CDH11: variants seen among roughly 807,000 people sequenced by gnomAD.
The protein encoded by CDH11 is cadherin 11.
A neutral mutation model predicts 67.8 loss-of-function variants in CDH11; 11 were observed. The observed-to-expected ratio is 0.16, with a 90% CI of 0.10 to 0.27. The LOEUF (loss-of-function observed/expected upper bound fraction) is 0.27, where lower values mean the gene tolerates loss of function less well. Among genes scored for constraint, CDH11 ranks in the 10% least tolerant of loss-of-function variants. The pLI, the probability that CDH11 is intolerant of heterozygous loss-of-function variation, is 1.00. For missense variants in CDH11, 847 were observed against 1,031.2 expected, an observed-to-expected ratio of 0.82 and a Z score of 2.45; for synonymous variants, 419 against 400.0, an observed-to-expected ratio of 1.05 and a Z score of -0.57.
chr16:65,012,895 AC>A (rs1194390751), intron 2 of CDH11, among the ~76,000 whole-genome samples: 1 of 152,222 alleles, frequency 6.6e-6, no homozygotes, highest in African/African-American at 2.4e-5. Context: ...TTCTAAGAAG[AC>A]TGAGACAAGA....
intron 2 of CDH11, among the ~76,000 whole-genome samples, chr16:65,006,254 T>C (rs191297339): frequency 6.6e-6 from 1 of 152,268 alleles, no homozygotes; most frequent in Non-Finnish European, 1.5e-5. Context: ...GATACATTGA[T>C]ATTGAGGATA....
rs2071176809 is a variant in CDH11, at chr16:64,945,315, A to G, written c.*2288T>C. 2.3e-5 allele frequency: 15 copies of G among 641,914 alleles called. No homozygotes were observed. The highest frequency in any genetic ancestry group is 7.4e-5 in the East Asian group (1 of 13,430). 39.8% of individuals were successfully genotyped at this position (641,914 alleles called of 1,614,324 possible). A position where few individuals can be genotyped will look rare whatever the true frequency, so the allele number is the denominator to read the frequency against. On this transcript the variant is annotated 3_prime_UTR_variant, in exon 13 of 13. Coordinates refer to ENST00000268603, the MANE Select transcript of CDH11 (RefSeq NM_001797.4). ...AAAATAAAAGGTAAAAAAAAAAAAA[A>G]AAAAGAAAAAGAAAAACAAGTATTC...
intron 8 of CDH11, among the ~76,000 whole-genome samples, chr16:64,980,261 AAG>A (rs568246414): frequency 1.8e-4 from 27 of 152,334 alleles, no homozygotes; most frequent in Admixed American, 1.6e-3. Flanking sequence ...AGAAAAAAAA[AAG>A]AGAGTGAGAC....
chr16:65,041,938 A>T (rs2073875085), intron 2 of CDH11, among the ~76,000 whole-genome samples: 1 of 152,224 alleles, frequency 6.6e-6, no homozygotes, highest in Non-Finnish European at 1.5e-5. Flanking sequence ...GTAATGGTCC[A>T]GGAGGAACTC....
chr16:64,973,141 A>T, intron 8 of CDH11, 101 bp from the exon 9 acceptor site: 2 of 1,111,762 alleles, frequency 1.8e-6, no homozygotes, highest in Non-Finnish European at 2.6e-6. Context: ...TTCTCAATGA[A>T]TTACTTAAGC....
chr16:65,061,660 A>G (rs1363154545), intron 1 of CDH11, among the ~76,000 whole-genome samples: 1 of 152,246 alleles, frequency 6.6e-6, no homozygotes, highest in African/African-American at 2.4e-5. Flanking sequence ...AATACTTCAC[A>G]TGCCAAATGA....
chr16:64,980,688 C>G lies in CDH11; in HGVS notation c.1253+1360G>C, dbSNP rs537120254. On this transcript the variant is annotated intron_variant, in intron 8 of 12. Transcript: ENST00000268603. Reference sequence around the variant, plus strand: ...GGTTAGATTATTTTGAAGAGGGAGACAACAGGGAACCATTTAATCATTAAT... The same window carrying G: ...GGTTAGATTATTTTGAAGAGGGAGAGAACAGGGAACCATTTAATCATTAAT... Among the ~76,000 whole-genome samples the G allele has an allele frequency of 2.6e-5, 4 of 152,172 alleles. No homozygotes were observed. In the East Asian group the frequency reaches 7.7e-4, roughly 29 times the overall value.
Position 65,004,842 on chromosome 16 carries a change from C to A in CDH11, c.28G>T (p.Ala10Ser), listed in dbSNP as rs377191094. Reference protein sequence around the residue: MKENYCLQAALVCLGMLCHS... With the variant: MKENYCLQASLVCLGMLCHS... The stretch of plus-strand genomic sequence containing the variant: ...CACAGCATGCCCAGGCACACCAGGG[C>A]GGCTTGTAAACAGTAGTTCTCCTTC... The change falls in exon 3 of 13, where the codon GCC (alanine) becomes TCC (serine). Residue 10 changes from alanine to serine, a missense_variant. Transcript: ENST00000268603. 1.9e-6 allele frequency: 3 copies of A among 1,560,100 alleles called. No individual in the cohort carries two copies. Among genetic ancestry groups the A allele is most frequent in the South Asian group, 1.2e-5 (1 of 85,004 alleles).
chr16:65,013,466 G>A (rs2073223987), intron 2 of CDH11, among the ~76,000 whole-genome samples: 1 of 152,064 alleles, frequency 6.6e-6, no homozygotes. Context: ...GAGCTCAAGA[G>A]TTACAACTCA....
chr16:65,088,868 G>A (rs1022694115), intron 1 of CDH11, among the ~76,000 whole-genome samples: 23 of 152,056 alleles, frequency 1.5e-4, no homozygotes, highest in African/African-American at 4.3e-4. Flanking sequence ...TTATACTTTC[G>A]TCAGCAGAGT....
At chr16:65,091,716 TA>T (rs1185317734) in intron 1 of CDH11, among the ~76,000 whole-genome samples, 1 of 152,018 alleles carries the variant, frequency 6.6e-6, no homozygotes, top group Non-Finnish European at 1.5e-5. Context: ...CACGCCCGGC[TA>T]ATTTTTTGTA....
chr16:64,998,516 A>G lies in CDH11; in HGVS notation c.523+46T>C, dbSNP rs774557965. On this transcript the variant is annotated intron_variant, in intron 4 of 12. Transcript: ENST00000268603. ...ACGGGCTTCAGCCCACCCACCACAG[A>G]GACACCAGGCCTGGAAGCAGAGCAG... 1.1e-5 allele frequency: 17 copies of G among 1,578,766 alleles called. No individual in the cohort carries two copies. The South Asian group carries it at 1.6e-4, about 15-fold the overall frequency.
In CDH11 at chr16:65,121,619, AG is replaced by A. The variant is rs2075332117; in HGVS notation, c.-298+260del. On this transcript the variant is annotated intron_variant, in intron 1 of 12. Coordinates refer to ENST00000268603, the MANE Select transcript of CDH11 (RefSeq NM_001797.4). The surrounding 1 kb of genome is among the most constrained non-coding windows in gnomAD (Gnocchi z 4.1). Reference sequence around the variant, plus strand: ...GCAGACCCCACAGGAGGCCGGAGCCAGGGAGAGTCGTGGAGCGCACATCTGA... The same window carrying A: ...GCAGACCCCACAGGAGGCCGGAGCCAGGAGAGTCGTGGAGCGCACATCTGA... Among the ~76,000 whole-genome samples, 6 of 152,328 alleles carry A rather than the reference AG, an allele frequency of 3.9e-5. No homozygotes were observed. Among genetic ancestry groups the A allele is most frequent in the Admixed American group, 3.9e-4 (6 of 15,308 alleles).
chr16:65,006,498 G>A (rs1437912516), intron 2 of CDH11, among the ~76,000 whole-genome samples: 1 of 152,068 alleles, frequency 6.6e-6, no homozygotes, highest in East Asian at 1.9e-4. Context: ...GGGTTACTCT[G>A]GGCATGCCAA....
chr16:65,098,539 C>T (rs7205806), intron 1 of CDH11, among the ~76,000 whole-genome samples: 1,518 of 147,174 alleles, frequency 0.01, 9 homozygotes, highest in Non-Finnish European at 0.016. Context: ...TGTGTGTGTG[C>T]GTGTGTTTTA....
At chr16:65,059,216 T>G (rs1319958556) in intron 1 of CDH11, among the ~76,000 whole-genome samples, 1 of 152,172 alleles carries the variant, frequency 6.6e-6, no homozygotes, top group African/African-American at 2.4e-5. Context: ...TGTCCTCTGC[T>G]CATCCCTTCC....
intron 1 of CDH11, among the ~76,000 whole-genome samples, chr16:65,064,187 C>T (rs1322095737): frequency 6.6e-6 from 1 of 152,130 alleles, no homozygotes; most frequent in Non-Finnish European, 1.5e-5. Context: ...AGGGGCATGT[C>T]CCCCAGCAAG....
intron 4 of CDH11, among the ~76,000 whole-genome samples, chr16:64,995,344 A>T (rs1271000704): frequency 6.6e-6 from 1 of 152,200 alleles, no homozygotes. Context: ...TTCAAGCTAT[A>T]CTACAAGGCT....
At chr16:65,004,428 ACCT>A (rs1225174864) in intron 3 of CDH11, among the ~76,000 whole-genome samples, 4 of 152,252 alleles carry the variant, frequency 2.6e-5, no homozygotes, top group Middle Eastern at 6.8e-3. Context: ...AAATGGAAAA[ACCT>A]AAGAAGTATT....
Sources: allele counts gnomAD v4.1 joint callset (sites outside exome capture counted in the v4.1 genomes callset), GRCh38; gene constraint gnomAD v4.1.1; non-coding constraint Gnocchi (gnomAD v3.1); transcripts MANE v1.5; gene names NCBI Gene and HGNC (gene_info 2026-07-23, HGNC 2026-07-21).